Variants in FSHR observed in about 807,000 individuals in gnomAD.
The protein encoded by FSHR is follicle stimulating hormone receptor.
Under a neutral mutation model 52.1 loss-of-function variants are expected in FSHR, and 46 were observed. The ratio of observed to expected loss-of-function variants is 0.88; its 90% CI spans 0.70 to 1.13. The LOEUF (loss-of-function observed/expected upper bound fraction) is 1.13, where lower values mean the gene tolerates loss of function less well. FSHR is among the 50% of genes most tolerant of loss of function. The probability of loss-of-function intolerance (pLI) is 0.00; values close to 1 mark genes in which losing one functional copy is unlikely to be tolerated. For missense variants in FSHR, 964 were observed against 834.6 expected, an observed-to-expected ratio of 1.16 and a Z score of -1.91; for synonymous variants, 399 against 309.6, an observed-to-expected ratio of 1.29 and a Z score of -3.03.
At chr2:49,069,701 G>A (rs73931513) in intron 1 of FSHR, among the ~76,000 whole-genome samples, 1,946 of 152,192 alleles carry the variant, frequency 0.013, 32 homozygotes, top group African/African-American at 0.043. Flanking sequence ...TAGGTTTGAG[G>A]TTGAAGTTAC....
chr2:49,098,742 A>T (rs1370416108), intron 1 of FSHR, among the ~76,000 whole-genome samples: 2 of 143,182 alleles, frequency 1.4e-5, no homozygotes, highest in Non-Finnish European at 3.0e-5. Flanking sequence ...ATATATACTT[A>T]TATATATTAT....
chr2:49,013,160 C>A (rs937182471), intron 4 of FSHR, among the ~76,000 whole-genome samples: 32 of 149,022 alleles, frequency 2.1e-4, no homozygotes, highest in African/African-American at 7.7e-4. Flanking sequence ...ACTCTTGGTA[C>A]TATTTGAGGA....
chr2:49,002,845 T>A (rs1666952895), intron 4 of FSHR, among the ~76,000 whole-genome samples: 1 of 152,118 alleles, frequency 6.6e-6, no homozygotes, highest in South Asian at 2.1e-4. Flanking sequence ...GGATCTCCTG[T>A]AAAGAAAAGA....
intron 1 of FSHR, among the ~76,000 whole-genome samples, chr2:49,108,806 G>A (rs1032953960): frequency 6.6e-6 from 1 of 152,094 alleles, no homozygotes; most frequent in African/African-American, 2.4e-5. Flanking sequence ...ATGTTTGAGG[G>A]ATAGTTAAAA....
intron 1 of FSHR, among the ~76,000 whole-genome samples, chr2:49,099,800 C>T (rs11686341): frequency 0.22 from 33,650 of 151,882 alleles, 3,717 homozygotes; most frequent in East Asian, 0.29. Context: ...CTGTTGTTCC[C>T]TTAGAACCGT....
chr2:49,088,470 G>C (rs562241713), intron 1 of FSHR, among the ~76,000 whole-genome samples: 2 of 152,318 alleles, frequency 1.3e-5, no homozygotes, highest in African/African-American at 2.4e-5. Flanking sequence ...TGTTACTCTA[G>C]ATTCTGCACC....
At chr2:49,121,713 T>A (rs1671822599) in intron 1 of FSHR, among the ~76,000 whole-genome samples, 1 of 152,232 alleles carries the variant, frequency 6.6e-6, no homozygotes, top group South Asian at 2.1e-4. Context: ...ATAGCAACCT[T>A]AACTCCAACA....
chr2:49,024,411 C>G (rs187507268), intron 2 of FSHR, among the ~76,000 whole-genome samples: 1 of 152,048 alleles, frequency 6.6e-6, no homozygotes, highest in Admixed American at 6.6e-5. Context: ...CTGACCTCTA[C>G]TAAAAATACA....
At chr2:49,117,842 G>A (rs2103770957) in intron 1 of FSHR, among the ~76,000 whole-genome samples, 1 of 152,262 alleles carries the variant, frequency 6.6e-6, no homozygotes, top group South Asian at 2.1e-4. Flanking sequence ...TCATTTGTAT[G>A]TACCTCCATA....
chr2:49,037,481 A>T (rs1668308484), intron 2 of FSHR, among the ~76,000 whole-genome samples: 1 of 152,236 alleles, frequency 6.6e-6, no homozygotes, highest in Non-Finnish European at 1.5e-5. Flanking sequence ...CACTTCAATA[A>T]GTGAGGATTT....
intron 2 of FSHR, among the ~76,000 whole-genome samples, chr2:49,049,254 G>A (rs902125490): frequency 6.6e-6 from 1 of 152,092 alleles, no homozygotes; most frequent in African/African-American, 2.4e-5. Flanking sequence ...TTCACTGGAA[G>A]GTCTCACACA....
At chr2:49,034,492 A>T (rs748684262) in intron 2 of FSHR, among the ~76,000 whole-genome samples, 4 of 152,174 alleles carry the variant, frequency 2.6e-5, no homozygotes, top group Non-Finnish European at 5.9e-5. Context: ...CTTGCTTATT[A>T]GTAGTGTGGT....
intron 1 of FSHR, among the ~76,000 whole-genome samples, chr2:49,104,001 A>T (rs1014032460): frequency 6.6e-6 from 1 of 151,672 alleles, no homozygotes; most frequent in Non-Finnish European, 1.5e-5. Context: ...CTAAAAAGAC[A>T]TTGAAAGAAT....
intron 8 of FSHR, among the ~76,000 whole-genome samples, chr2:48,980,431 G>A (rs994591309): frequency 2.6e-5 from 4 of 152,174 alleles, no homozygotes; most frequent in East Asian, 1.9e-4. Context: ...TCCTGCCTGC[G>A]TTCACAGTGG....
intron 2 of FSHR, among the ~76,000 whole-genome samples, chr2:49,031,663 G>C (rs1304567912): frequency 6.6e-6 from 1 of 152,100 alleles, no homozygotes; most frequent in Non-Finnish European, 1.5e-5. Flanking sequence ...TTACTTCCAG[G>C]GAAGGAGGTA....
At chr2:49,140,208 G>C (rs957796620) in intron 1 of FSHR, among the ~76,000 whole-genome samples, 1 of 152,076 alleles carries the variant, frequency 6.6e-6, no homozygotes, top group Non-Finnish European at 1.5e-5. Context: ...CATGGGGGTG[G>C]ATCCCTCATG....
chr2:49,100,777 A>G (rs772858049), intron 1 of FSHR, among the ~76,000 whole-genome samples: 4 of 152,222 alleles, frequency 2.6e-5, no homozygotes, highest in African/African-American at 4.8e-5. Context: ...CTAGGTTTCT[A>G]TCACTTGTAC....
chr2:49,121,870 C>CT (rs1458830184), intron 1 of FSHR, among the ~76,000 whole-genome samples: 3 of 151,832 alleles, frequency 2.0e-5, no homozygotes. Context: ...TGATCTGTAT[C>CT]TTCAGGACAA....
At chr2:49,106,025 A>G (rs974780363) in intron 1 of FSHR, among the ~76,000 whole-genome samples, 2 of 152,176 alleles carry the variant, frequency 1.3e-5, no homozygotes, top group Non-Finnish European at 2.9e-5. Flanking sequence ...GCATATGACT[A>G]TCTGCTCTGC....
Sources: gnomAD v4.1 joint callset for allele counts (sites outside exome capture counted in the v4.1 genomes callset) on GRCh38, gnomAD v4.1.1 for gene constraint, MANE v1.5 for transcripts, NCBI Gene and HGNC (gene_info 2026-07-23, HGNC 2026-07-21) for gene names.